The following HTT variants were observed in gnomAD, a reference collection of about 807,000 sequenced individuals.
The protein encoded by HTT is huntington disease protein.
In HTT, 104 loss-of-function variants were observed where a neutral mutation model predicts 362.3. The observed-to-expected ratio is 0.29, with a 90% confidence interval of 0.24 to 0.34. The LOEUF (loss-of-function observed/expected upper bound fraction) is 0.34, where lower values mean the gene tolerates loss of function less well. Ranked by LOEUF, HTT falls within the 10% of genes least tolerant of loss-of-function variation. HTT has a pLI of 1.00. For missense variants in HTT, 3,301 were observed against 3,928.6 expected (o/e 0.84, Z 4.27); for synonymous variants, 1,577 against 1,548.7 (o/e 1.02, Z -0.43).
intron 1 of HTT, among the ~76,000 whole-genome samples, chr4:3,083,550 C>T (rs1198530743): frequency 0.058 from 8,385 of 145,466 alleles, 561 homozygotes; most frequent in African/African-American, 0.14. Context: ...CACACACACA[C>T]ACACACACAC....
chr4:3,242,234 T>A lies in HTT; in HGVS notation c.*2175T>A, dbSNP rs1371345086. On this transcript the variant is annotated 3_prime_UTR_variant, in exon 67 of 67. Transcript: ENST00000355072. ...GCTCAACATAGAGTTTGTCTTCCTC[T>A]TGTTTACGACGTGATCTAAACCAGT... 1 of 152,204 alleles carries A rather than the reference T, an allele frequency of 6.6e-6. No individual in the cohort carries two copies. Among genetic ancestry groups the A allele is most frequent in the Non-Finnish European group, 1.5e-5 (1 of 68,042 alleles). 9.4% of individuals were successfully genotyped at this position (152,204 alleles called of 1,614,324 possible).
At position 3,228,983 on chromosome 4, in the gene HTT, A is replaced by G. The variant is rs777757236; in HGVS notation, c.8083A>G (p.Ile2695Val). Residue 2695 changes from isoleucine (I) to valine (V), a missense_variant, in exon 59 of 67, where the codon ATC (isoleucine) becomes GTC (valine). Around this residue, in one of 4 missense-constraint regions of HTT, gnomAD observed 753 missense variants for 1,021.3 expected, o/e 0.74. Transcript: ENST00000355072. This position sits in a 1 kb window ranked among gnomAD's most constrained non-coding sequence, Gnocchi z 4.3. ...PSSSARRTPAILISEVVRSLL... is the reference protein window; with the variant it reads ...PSSSARRTPAVLISEVVRSLL... ...CAGCTCAGCCAGGAGGACCCCGGCC[A>G]TCCTGATCAGTGAGGTGGTCAGATC... 1.9e-6 allele frequency: 3 copies of G among 1,613,690 alleles called. No homozygotes were observed. The highest frequency in any genetic ancestry group is 3.3e-5 in the Admixed American group (2 of 59,982).
intron 26 of HTT, among the ~76,000 whole-genome samples, chr4:3,152,426 A>G (rs1324627889): frequency 2.6e-5 from 4 of 152,014 alleles, no homozygotes; most frequent in South Asian, 4.2e-4. Flanking sequence ...GATAATTCAT[A>G]TAATTCACCC....
At chr4:3,131,503 A>C in intron 15 of HTT, 106 bp downstream of exon 15, 1 of 1,466,178 alleles carries the variant, frequency 6.8e-7, no homozygotes, top group Non-Finnish European at 9.5e-7. Flanking sequence ...GTAGAATCTG[A>C]GGATGAGTTT....
intron 1 of HTT, among the ~76,000 whole-genome samples, chr4:3,085,950 T>G (rs1462931873): frequency 6.6e-6 from 1 of 152,216 alleles, no homozygotes; most frequent in Non-Finnish European, 1.5e-5. Context: ...AATAGGAGGC[T>G]TATTCCCAGC....
At chr4:3,130,896 A>G (rs1444597026) in intron 14 of HTT, among the ~76,000 whole-genome samples, 3 of 152,098 alleles carry the variant, frequency 2.0e-5, no homozygotes, top group Non-Finnish European at 4.4e-5. Flanking sequence ...TACCAGGCCC[A>G]CTTCCTCTTA....
chr4:3,216,793 A>G (rs1230796187), intron 51 of HTT, among the ~76,000 whole-genome samples: 1 of 152,132 alleles, frequency 6.6e-6, no homozygotes, highest in African/African-American at 2.4e-5. Context: ...TGGGAGGCCG[A>G]GGCGGGCGGA....
chr4:3,233,450 A>T (rs1721357950), intron 61 of HTT, 97 bp downstream of exon 61: 4 of 1,222,434 alleles, frequency 3.3e-6, no homozygotes, highest in Admixed American at 4.1e-5. Flanking sequence ...TCCTGGCCAG[A>T]TGGCAGGCCA....
At chr4:3,128,817 C>T (rs1377916135) in intron 12 of HTT, 1 of 152,084 alleles carries the variant, frequency 6.6e-6, no homozygotes, top group East Asian at 1.9e-4. Flanking sequence ...TTTGCGTATA[C>T]AGTTCGCTGG....
In HTT at chr4:3,243,620, C is replaced by A. The variant is rs1303050424; in HGVS notation, c.*3561C>A. 2 of 152,294 alleles carry A rather than the reference C, an allele frequency of 1.3e-5. No individual in the cohort carries two copies. Among genetic ancestry groups the A allele is most frequent in the African/African-American group, 4.8e-5 (2 of 41,462 alleles). The allele number at this position is 152,294 out of a possible 1,614,324, so 9.4% of individuals were successfully genotyped here. On this transcript the variant is annotated 3_prime_UTR_variant, in exon 67 of 67. Coordinates refer to ENST00000355072, the MANE Select transcript of HTT (RefSeq NM_001388492.1). ...TGCAGTCAAAGGAACGCCTTCCCCT[C>A]AGTTGTTTCTAAGAGCAGAGTCTCC... is the stretch of plus-strand genomic sequence containing the variant.
Position 3,238,805 on chromosome 4 carries a change from T to C in HTT, c.9055-13T>C. Reference sequence around the variant, plus strand: ...CCAGCCCTGACACTCAGGCACCTGCTTGCTCCTTGCAGGTGTTTCAGACTC... The same window carrying C: ...CCAGCCCTGACACTCAGGCACCTGCCTGCTCCTTGCAGGTGTTTCAGACTC... On this transcript the variant is annotated splice_polypyrimidine_tract_variant and intron_variant, in intron 65 of 66. Coordinates refer to ENST00000355072, the MANE Select transcript of HTT (RefSeq NM_001388492.1). 6.6e-7 allele frequency: 1 copy of C among 1,513,844 alleles called. No individual in the cohort carries two copies. 93.8% of individuals were successfully genotyped at this position (1,513,844 alleles called of 1,614,324 possible).
At chr4:3,217,207 A>G (rs1428970085) in intron 51 of HTT, among the ~76,000 whole-genome samples, 2 of 152,170 alleles carry the variant, frequency 1.3e-5, no homozygotes, top group Non-Finnish European at 2.9e-5. Context: ...TAGGTATGAT[A>G]TTCTAGACTC....
chr4:3,206,708 GCAGTT>G lies in HTT; in HGVS notation c.5898+34_5898+38del, dbSNP rs1719871203. The G allele has an allele frequency of 1.3e-6, 2 of 1,597,630 alleles. No individual in the cohort carries two copies. Among genetic ancestry groups the G allele is most frequent in the South Asian group, 2.2e-5 (2 of 89,628 alleles). On this transcript the variant is annotated intron_variant, in intron 43 of 66. Coordinates refer to ENST00000355072, the MANE Select transcript of HTT (RefSeq NM_001388492.1). This position sits in a 1 kb window ranked among gnomAD's most constrained non-coding sequence, Gnocchi z 4.6. Reference sequence around the variant, plus strand: ...TTCATCCTGCCGACTATTGCCAGTTGCAGTTTTCCCTGCCTTAAAAATGGAGTATT... The same window carrying G: ...TTCATCCTGCCGACTATTGCCAGTTGTTCCCTGCCTTAAAAATGGAGTATT...
intron 2 of HTT, among the ~76,000 whole-genome samples, chr4:3,093,062 G>C (rs1713602031): frequency 6.6e-6 from 1 of 152,162 alleles, no homozygotes; most frequent in African/African-American, 2.4e-5. Flanking sequence ...AGAATACCAG[G>C]GAAGAGAGCT....
Position 3,178,380 on chromosome 4 carries a change from G to A in HTT, c.4546G>A (p.Gly1516Arg). The A allele has an allele frequency of 2.5e-6, 4 of 1,612,904 alleles. No homozygotes were observed. The highest frequency in any genetic ancestry group is 3.4e-6 in the Non-Finnish European group (4 of 1,179,030). Residue 1516 changes from glycine to arginine, a missense_variant, in exon 35 of 67, where the codon GGA becomes AGA. Around this residue, in one of 4 missense-constraint regions of HTT, gnomAD observed 2,316 missense variants for 2,658.5 expected, o/e 0.87. Transcript: ENST00000355072. ...ACGCTATCATTCAAAACAGATCATT[G>A]GAATTCCTAAAATCATTCAGCTCTG... ...YERYHSKQII[G>R]IPKIIQLCDG...
intron 33 of HTT, 30 bp from the exon 34 acceptor site, chr4:3,177,302 T>G (rs1234832393): frequency 2.7e-6 from 4 of 1,466,410 alleles, no homozygotes; most frequent in Non-Finnish European, 3.8e-6. Context: ...ATCCTATTAT[T>G]GATGTGAAAT....
At chr4:3,132,506 A>G (rs1715870761) in intron 16 of HTT, 56 bp from the exon 17 acceptor site, 5 of 1,458,456 alleles carry the variant, frequency 3.4e-6, no homozygotes, top group African/African-American at 1.4e-5. Context: ...TTTTGTTTCG[A>G]GTTAGAAAGT....
In HTT at chr4:3,136,219, T is replaced by C. The variant is rs903329011; in HGVS notation, c.2698-7T>C. On this transcript the variant is annotated splice_region_variant and splice_polypyrimidine_tract_variant and intron_variant, in intron 20 of 66. Coordinates refer to ENST00000355072, the MANE Select transcript of HTT (RefSeq NM_001388492.1). ...TATGTTTATTTTTATTATCCTTCTC[T>C]CTAAAGCTTTTAAAACTGCAAGAAC... The C allele has an allele frequency of 2.5e-6, 4 of 1,574,786 alleles. No individual in the cohort carries two copies. In the African/African-American group the frequency reaches 5.4e-5, roughly 21 times the overall value.
At chr4:3,119,646 T>C (rs772790961) in intron 8 of HTT, among the ~76,000 whole-genome samples, 3 of 152,212 alleles carry the variant, frequency 2.0e-5, no homozygotes, top group Non-Finnish European at 4.4e-5. Flanking sequence ...GCAGAGAACA[T>C]TAAATGTAAA....
Sources: allele counts gnomAD v4.1 joint callset (sites outside exome capture counted in the v4.1 genomes callset), GRCh38; gene constraint gnomAD v4.1.1; regional missense constraint gnomAD v4.1.1; non-coding constraint Gnocchi (gnomAD v3.1); transcripts MANE v1.5; gene names NCBI Gene and HGNC (gene_info 2026-07-23, HGNC 2026-07-21).